RBFOX2: variants seen among roughly 807,000 people sequenced by gnomAD.
RBFOX2 encodes the protein RNA binding protein fox-1 homolog 2.
A neutral mutation model predicts 49.1 loss-of-function variants in RBFOX2; 10 were observed. That is an observed-to-expected ratio of 0.20 (90% CI 0.13 to 0.35). The LOEUF (loss-of-function observed/expected upper bound fraction) is 0.35, where lower values mean the gene tolerates loss of function less well. Among genes scored for constraint, RBFOX2 ranks in the 10% least tolerant of loss-of-function variants. The pLI, the probability that RBFOX2 is intolerant of heterozygous loss-of-function variation, is 1.00. For synonymous variants in RBFOX2, 183 were observed against 187.4 expected, an observed-to-expected ratio of 0.98 and a Z score of 0.19; for missense variants, 323 against 486.9, an observed-to-expected ratio of 0.66 and a Z score of 3.17.
intron 1 of RBFOX2, among the ~76,000 whole-genome samples, chr22:35,953,205 C>A (rs1394417310): frequency 3.2e-5 from 3 of 93,134 alleles, no homozygotes; most frequent in Admixed American, 1.6e-4. Flanking sequence ...AGTGGGACTC[C>A]ATCTCAAAAA....
At chr22:35,790,253 A>G (rs1212506646) in intron 2 of RBFOX2, among the ~76,000 whole-genome samples, 1 of 152,244 alleles carries the variant, frequency 6.6e-6, no homozygotes, top group African/African-American at 2.4e-5. Context: ...GCTTGCTTTC[A>G]AAATAACTTT....
chr22:35,963,059 CAAAAAAAAA>C (rs34027896), upstream of RBFOX2, among the ~76,000 whole-genome samples: 25 of 33,594 alleles, frequency 7.4e-4, no homozygotes, highest in South Asian at 4.9e-3. Context: ...AACTCTCCAG[CAAAAAAAAA>C]AAAAAAAAAA....
At chr22:35,766,231 A>G (rs1337215036) in intron 5 of RBFOX2, among the ~76,000 whole-genome samples, 3 of 152,206 alleles carry the variant, frequency 2.0e-5, no homozygotes, top group African/African-American at 7.2e-5. Flanking sequence ...GCTGAAGAAA[A>G]GATGAATGGA....
chr22:35,739,948 G>A (rs941579764), exon 12 of RBFOX2: 13 of 152,720 alleles, frequency 8.5e-5, no homozygotes, highest in Admixed American at 2.0e-4. Context: ...TTGATCTACC[G>A]TTTTCCTGAG....
At chr22:35,874,052 T>A (rs1451806305) in intron 1 of RBFOX2, among the ~76,000 whole-genome samples, 1 of 151,862 alleles carries the variant, frequency 6.6e-6, no homozygotes, top group East Asian at 1.9e-4. Flanking sequence ...CCCTGAAGAG[T>A]AAAAAATACA....
At chr22:35,803,925 T>C (rs1201390556) in intron 2 of RBFOX2, among the ~76,000 whole-genome samples, 1 of 152,188 alleles carries the variant, frequency 6.6e-6, no homozygotes, top group African/African-American at 2.4e-5. Context: ...AGATTTTGTT[T>C]AGGTTCAGAC....
At chr22:35,756,266 A>T in intron 9 of RBFOX2, 122 bp from the exon 11 acceptor site, 1 of 811,284 alleles carries the variant, frequency 1.2e-6, no homozygotes. Flanking sequence ...TGAATACATA[A>T]CCTGGGCTTG....
intron 9 of RBFOX2, chr22:35,750,424 A>T (rs1934470234): frequency 1.3e-6 from 2 of 1,599,246 alleles, no homozygotes; most frequent in Non-Finnish European, 1.7e-6. Flanking sequence ...ACACAATCAG[A>T]CCTGTTTGAT....
chr22:36,015,893 G>GTGA (rs1341398104), intron 1 of RBFOX2, among the ~76,000 whole-genome samples: 1 of 152,198 alleles, frequency 6.6e-6, no homozygotes, highest in Non-Finnish European at 1.5e-5. Flanking sequence ...ACTTTAGGCT[G>GTGA]TAAGTGTGAC....
chr22:35,884,137 C>T (rs564479114), intron 1 of RBFOX2, among the ~76,000 whole-genome samples: 1 of 150,074 alleles, frequency 6.7e-6, no homozygotes. Flanking sequence ...AGCTGGACTA[C>T]AGGCACGCAC....
At chr22:35,831,376 T>G (rs1956769791) in intron 1 of RBFOX2, among the ~76,000 whole-genome samples, 1 of 152,002 alleles carries the variant, frequency 6.6e-6, no homozygotes, top group Admixed American at 6.6e-5. Context: ...GAGCTGGCAG[T>G]GATCCGAGAT....
chr22:35,961,590 G>A, exon 1 of RBFOX2: 2 of 1,304,012 alleles, frequency 1.5e-6, no homozygotes, highest in Non-Finnish European at 2.0e-6. Context: ...GCTGGTCCAT[G>A]GAATCTGATG....
At chr22:35,955,106 T>C (rs1000511422) in intron 1 of RBFOX2, among the ~76,000 whole-genome samples, 8 of 152,232 alleles carry the variant, frequency 5.3e-5, no homozygotes, top group African/African-American at 1.9e-4. Context: ...CTCTTTCAAT[T>C]TGTGGGTCAA....
intron 1 of RBFOX2, among the ~76,000 whole-genome samples, chr22:35,867,764 T>G (rs1055932490): frequency 2.6e-5 from 4 of 152,308 alleles, no homozygotes; most frequent in African/African-American, 9.6e-5. Context: ...ATTTAAAATT[T>G]TTTTAAATTT....
chr22:35,743,337 T>TACA (rs1930872387), exon 12 of RBFOX2: 1 of 152,088 alleles, frequency 6.6e-6, no homozygotes, highest in Non-Finnish European at 1.5e-5. Flanking sequence ...GAGCAGGGTG[T>TACA]TAATAAAAGA....
At chr22:35,857,169 T>A (rs558215900) in intron 1 of RBFOX2, among the ~76,000 whole-genome samples, 1 of 152,220 alleles carries the variant, frequency 6.6e-6, no homozygotes, top group Non-Finnish European at 1.5e-5. Flanking sequence ...TAGGACATCC[T>A]GCTACGTATT....
At chr22:36,000,684 T>G (rs1470300015) in intron 1 of RBFOX2, among the ~76,000 whole-genome samples, 1 of 152,044 alleles carries the variant, frequency 6.6e-6, no homozygotes, top group African/African-American at 2.4e-5. Context: ...AAAAAAGCAT[T>G]CCACCGGAGT....
At chr22:35,924,940 G>A (rs924543662) in intron 1 of RBFOX2, among the ~76,000 whole-genome samples, 4 of 152,154 alleles carry the variant, frequency 2.6e-5, no homozygotes, top group African/African-American at 4.8e-5. Context: ...CTGGGAAGCC[G>A]AGGTGGGCGG....
exon 12 of RBFOX2, chr22:35,744,080 TTTTTTTG>T: frequency 1.3e-6 from 1 of 763,578 alleles, no homozygotes; most frequent in Non-Finnish European, 1.9e-6. Flanking sequence ...TTTTTGTGTT[TTTTTTTG>T]TTTGTTTGTT....
Sources: gnomAD v4.1 joint callset for allele counts (sites outside exome capture counted in the v4.1 genomes callset) on GRCh38, gnomAD v4.1.1 for gene constraint, MANE v1.5 for transcripts, NCBI Gene and HGNC (gene_info 2026-07-23, HGNC 2026-07-21) for gene names.